Variants in PELI1 observed in about 807,000 individuals in gnomAD.
PELI1 encodes the protein pellino E3 ubiquitin protein ligase 1, also known as E3 ubiquitin-protein ligase pellino homolog 1.
In PELI1, 15 loss-of-function variants were observed where a neutral mutation model predicts 41.3. The ratio of observed to expected loss-of-function variants is 0.36; its 90% CI spans 0.24 to 0.56. PELI1 has a LOEUF of 0.56. Ranked by LOEUF, PELI1 falls within the 20% of genes least tolerant of loss-of-function variation. The pLI is 0.82. For synonymous variants in PELI1, 178 were observed against 180.1 expected, an observed-to-expected ratio of 0.99 and a Z score of 0.09; for missense variants, 403 against 525.5, an observed-to-expected ratio of 0.77 and a Z score of 2.28.
chr2:64,109,483 C>T (rs957485860), intron 1 of PELI1, among the ~76,000 whole-genome samples: 4 of 151,980 alleles, frequency 2.6e-5, no homozygotes. Context: ...GAGTTTGAGA[C>T]CAGCCTGACC....
At chr2:64,119,156 C>CAA (rs1681119865) in intron 1 of PELI1, among the ~76,000 whole-genome samples, 1 of 152,004 alleles carries the variant, frequency 6.6e-6, no homozygotes, top group South Asian at 2.1e-4. Flanking sequence ...TCTAAGAACA[C>CAA]AAAAGCCTTG....
chr2:64,142,778 CTT>C (rs1475924557), intron 1 of PELI1, among the ~76,000 whole-genome samples: 1 of 152,086 alleles, frequency 6.6e-6, no homozygotes, highest in Non-Finnish European at 1.5e-5. Flanking sequence ...ATTATGAAAA[CTT>C]AATAATAAAT....
At chr2:64,101,327 T>A (rs1680422644) in intron 3 of PELI1, among the ~76,000 whole-genome samples, 2 of 148,788 alleles carry the variant, frequency 1.3e-5, no homozygotes, top group African/African-American at 2.5e-5. Flanking sequence ...AAGAAAAAAA[T>A]TTAAAAAAAA....
At chr2:64,142,540 A>G (rs1681947473) in intron 1 of PELI1, among the ~76,000 whole-genome samples, 1 of 152,178 alleles carries the variant, frequency 6.6e-6, no homozygotes, top group Admixed American at 6.5e-5. Context: ...CACAAAATAA[A>G]TAAGGTCCTC....
intron 1 of PELI1, among the ~76,000 whole-genome samples, chr2:64,118,578 T>G (rs1312483044): frequency 6.6e-6 from 1 of 152,222 alleles, no homozygotes; most frequent in Non-Finnish European, 1.5e-5. Context: ...ATTCATTTTT[T>G]AGCAGGAAGA....
chr2:64,102,540 A>C (rs1680480042), intron 3 of PELI1, among the ~76,000 whole-genome samples: 1 of 152,136 alleles, frequency 6.6e-6, no homozygotes, highest in Non-Finnish European at 1.5e-5. Context: ...TGCCCCGTTA[A>C]ACAGCTCACT....
At chr2:64,141,656 A>G (rs1202259846) in intron 1 of PELI1, among the ~76,000 whole-genome samples, 7 of 152,234 alleles carry the variant, frequency 4.6e-5, no homozygotes, top group African/African-American at 1.7e-4. Context: ...CTTAAAATAC[A>G]AAAGTGACAT....
In PELI1 at chr2:64,096,589, G is replaced by A. The variant is rs1308199041; in HGVS notation, c.325C>T (p.Pro109Ser). The A allele has an allele frequency of 6.2e-7, 1 of 1,612,316 alleles. No individual in the cohort carries two copies. Among genetic ancestry groups the A allele is most frequent in the Admixed American group, 1.7e-5 (1 of 59,952 alleles). The change falls in exon 5 of 7, where the codon CCC becomes TCC. Residue 109 changes from proline (P) to serine (S), a missense_variant. By Grantham distance (74) the Pro-to-Ser change is moderately conservative (BLOSUM62 -1). Transcript: ENST00000358912. ...GTGTCAGTTACTACAAAATCAATGG[G>A]GCTTTCAGTCGACCGGCCAATCTGA... The part of the protein sequence containing the change: ...MFQIGRSTES[P>S]IDFVVTDTVP...
rs1272668672 is a variant in PELI1 at position 64,108,322 on chromosome 2, T to G, written c.-12A>C. The G allele has an allele frequency of 1.3e-6, 2 of 1,581,194 alleles. No individual in the cohort carries two copies. Among genetic ancestry groups the G allele is most frequent in the African/African-American group, 2.7e-5 (2 of 74,454 alleles). Reference sequence around the variant, plus strand: ...TCAGGAGAAAACATGAGCTTGGCTGTCTTTCTCAAATCTTTGTTCACTGGT... The same window carrying G: ...TCAGGAGAAAACATGAGCTTGGCTGGCTTTCTCAAATCTTTGTTCACTGGT... On this transcript the variant is annotated 5_prime_UTR_variant, in exon 2 of 7. Coordinates refer to ENST00000358912, the MANE Select transcript of PELI1 (RefSeq NM_020651.4).
intron 1 of PELI1, among the ~76,000 whole-genome samples, chr2:64,137,550 C>G (rs1174857025): frequency 6.6e-6 from 1 of 152,094 alleles, no homozygotes; most frequent in South Asian, 2.1e-4. Flanking sequence ...GCCTTCCATA[C>G]TAGTCACTCT....
chr2:64,100,911 G>T (rs979632740), intron 3 of PELI1, among the ~76,000 whole-genome samples: 16 of 152,054 alleles, frequency 1.1e-4, no homozygotes, highest in African/African-American at 3.9e-4. Context: ...TGTATTTTTA[G>T]TAGAGACGGC....
chr2:64,143,985 C>T (rs1167084456), intron 1 of PELI1, 96 bp downstream of exon 1: 1 of 151,290 alleles, frequency 6.6e-6, no homozygotes, highest in African/African-American at 2.4e-5. Context: ...TGCTGGCCGC[C>T]GGGGAAGCCG....
chr2:64,137,958 T>C (rs1400315777), intron 1 of PELI1, among the ~76,000 whole-genome samples: 1 of 152,222 alleles, frequency 6.6e-6, no homozygotes, highest in Non-Finnish European at 1.5e-5. Flanking sequence ...ATAAGACTTA[T>C]TTTAGATAAG....
intron 1 of PELI1, among the ~76,000 whole-genome samples, chr2:64,117,490 T>C (rs1382960444): frequency 7.4e-6 from 1 of 135,114 alleles, no homozygotes; most frequent in Non-Finnish European, 1.6e-5. Flanking sequence ...CTAAATCAAA[T>C]ATCTAAATAG....
At chr2:64,124,838 A>G (rs1681334604) in intron 1 of PELI1, among the ~76,000 whole-genome samples, 1 of 151,936 alleles carries the variant, frequency 6.6e-6, no homozygotes, top group South Asian at 2.1e-4. Flanking sequence ...AGATCTCACA[A>G]GTTAAAGGGC....
chr2:64,103,496 G>C (rs1054707343), intron 3 of PELI1, among the ~76,000 whole-genome samples: 9 of 152,030 alleles, frequency 5.9e-5, no homozygotes, highest in African/African-American at 2.2e-4. Flanking sequence ...AGCACTCCGG[G>C]GGGAGCTACT....
intron 4 of PELI1, 78 bp from the exon 5 acceptor site, chr2:64,096,688 G>A (rs549624653): frequency 1.1e-6 from 1 of 907,208 alleles, no homozygotes; most frequent in African/African-American, 1.7e-5. Context: ...GCACAATAAG[G>A]AGAGAACATT....
intron 1 of PELI1, among the ~76,000 whole-genome samples, chr2:64,114,161 G>C (rs557054323): frequency 6.6e-6 from 1 of 152,076 alleles, no homozygotes; most frequent in African/African-American, 2.4e-5. Flanking sequence ...AAACAATGTG[G>C]ACTGCATATA....
intron 1 of PELI1, among the ~76,000 whole-genome samples, chr2:64,117,738 T>G (rs945385875): frequency 6.6e-6 from 1 of 152,234 alleles, no homozygotes; most frequent in African/African-American, 2.4e-5. Flanking sequence ...AGTTCTAATT[T>G]TCTCTTTGGG....
Sources: gnomAD v4.1 joint callset for allele counts (sites outside exome capture counted in the v4.1 genomes callset) on GRCh38, gnomAD v4.1.1 for gene constraint, MANE v1.5 for transcripts, NCBI Gene and HGNC (gene_info 2026-07-23, HGNC 2026-07-21) for gene names.